The following SHANK2 variants were observed in gnomAD, a reference collection of about 807,000 sequenced individuals.
SHANK2 encodes the protein SH3 and multiple ankyrin repeat domains 2, also known as SH3 and multiple ankyrin repeat domains protein 2.
A neutral mutation model predicts 133.7 loss-of-function variants in SHANK2; 43 were observed. That is an observed-to-expected ratio of 0.32 (90% CI 0.25 to 0.41). The LOEUF (loss-of-function observed/expected upper bound fraction) is 0.41. Ranked by LOEUF, SHANK2 falls within the 10% of genes least tolerant of loss-of-function variation. The probability of loss-of-function intolerance (pLI) is 1.00; values close to 1 mark genes in which losing one functional copy is unlikely to be tolerated. For missense variants in SHANK2, 1,994 were observed against 2,235.8 expected (o/e 0.89, Z 2.18); for synonymous variants, 1,017 against 952.8 (o/e 1.07, Z -1.24).
At chr11:70,599,605 C>CAAAAAAAAAAAAAAAA (rs1160187418) in intron 17 of SHANK2, among the ~76,000 whole-genome samples, 12 of 30,298 alleles carry the variant, frequency 4.0e-4, no homozygotes, top group East Asian at 1.1e-3. Flanking sequence ...GACTCCGTCT[C>CAAAAAAAAAAAAAAAA]AAAAAAAAAA....
chr11:71,200,514 G>A (rs1022645624), intron 2 of SHANK2, among the ~76,000 whole-genome samples: 9 of 151,912 alleles, frequency 5.9e-5, no homozygotes, highest in African/African-American at 9.7e-5. Flanking sequence ...CTAACTCCAC[G>A]TTTAACTTCA....
chr11:70,936,472 A>G lies in SHANK2; in HGVS notation c.1108-39905T>C, dbSNP rs1036604346. On this transcript the variant is annotated intron_variant, in intron 10 of 25. Coordinates refer to ENST00000601538, the MANE Select transcript of SHANK2 (RefSeq NM_012309.5). ...GGTTGCAGTGAGCCGAGATCACCCC[A>G]CTGTACTCCAGCCTGGGTGACAGAG... Among the ~76,000 whole-genome samples, 6 of 152,188 alleles carry G rather than the reference A, an allele frequency of 3.9e-5. No individual in the cohort carries two copies. The East Asian group carries it at 1.2e-3, about 29-fold the overall frequency.
At chr11:71,090,023 G>A (rs989792774) in intron 8 of SHANK2, among the ~76,000 whole-genome samples, 1 of 152,218 alleles carries the variant, frequency 6.6e-6, no homozygotes, top group Admixed American at 6.5e-5. Context: ...CGAGTGCTGT[G>A]CAAGAATTCA....
intron 17 of SHANK2, among the ~76,000 whole-genome samples, chr11:70,557,127 T>C (rs1554979812): frequency 1.3e-5 from 2 of 151,102 alleles, no homozygotes; most frequent in Non-Finnish European, 2.9e-5. Context: ...GCTCACCACA[T>C]ACCAGGCATT....
At chr11:71,073,121 C>CTTTTTTTTTTTTTTT (rs1217646232) in intron 9 of SHANK2, among the ~76,000 whole-genome samples, 1 of 111,880 alleles carries the variant, frequency 8.9e-6, no homozygotes, top group African/African-American at 3.1e-5. Flanking sequence ...GGAAGGCTTG[C>CTTTTTTTTTTTTTTT]TTTTTGTTTT....
At chr11:70,704,672 G>C (rs1315519565) in intron 14 of SHANK2, among the ~76,000 whole-genome samples, 3 of 152,230 alleles carry the variant, frequency 2.0e-5, no homozygotes, top group African/African-American at 7.2e-5. Flanking sequence ...AGCACAGGGA[G>C]GGAGTGAGTC....
chr11:70,560,610 G>A (rs191931574), intron 17 of SHANK2, among the ~76,000 whole-genome samples: 119 of 148,494 alleles, frequency 8.0e-4, no homozygotes, highest in African/African-American at 2.8e-3. Flanking sequence ...GGACTAACTT[G>A]ACCTGATTCC....
In SHANK2 at chr11:71,081,132, G is replaced by A. The variant is rs955478656; in HGVS notation, c.913-5857C>T. Among the ~76,000 whole-genome samples the A allele has an allele frequency of 8.5e-5, 13 of 152,276 alleles. No homozygotes were observed. The East Asian group carries it at 2.3e-3, about 27-fold the overall frequency. ...TGGTATCCTTATAAGAAGAGGAGCTGGGGACACAGACACACAGAGGGACGA... is the reference window on the plus strand; with the variant it reads ...TGGTATCCTTATAAGAAGAGGAGCTAGGGACACAGACACACAGAGGGACGA... On this transcript the variant is annotated intron_variant, in intron 8 of 25. Coordinates refer to ENST00000601538, the MANE Select transcript of SHANK2 (RefSeq NM_012309.5).
At chr11:70,636,834 GTATT>G (rs1190656328) in intron 17 of SHANK2, among the ~76,000 whole-genome samples, 4 of 152,090 alleles carry the variant, frequency 2.6e-5, no homozygotes, top group South Asian at 2.1e-4. Context: ...GAGAACTTGT[GTATT>G]TATAAGAATG....
intron 12 of SHANK2, among the ~76,000 whole-genome samples, chr11:70,809,259 G>A (rs1948230506): frequency 6.6e-6 from 1 of 152,172 alleles, no homozygotes; most frequent in African/African-American, 2.4e-5. Flanking sequence ...TCTGACCATG[G>A]TTCCCCTCCC....
chr11:71,150,779 G>T (rs1183708689), intron 2 of SHANK2, among the ~76,000 whole-genome samples: 11 of 151,986 alleles, frequency 7.2e-5, no homozygotes, highest in Non-Finnish European at 1.6e-4. Flanking sequence ...GCGTGGAGTG[G>T]GTGGGGGCAG....
intron 11 of SHANK2, among the ~76,000 whole-genome samples, chr11:70,837,595 C>A (rs1555060372): frequency 2.0e-5 from 3 of 152,116 alleles, no homozygotes; most frequent in East Asian, 3.9e-4. Context: ...TGGTCTTTCT[C>A]CCCCAAGTAA....
At chr11:70,934,105 G>A (rs1426980258) in intron 10 of SHANK2, among the ~76,000 whole-genome samples, 1 of 151,848 alleles carries the variant, frequency 6.6e-6, no homozygotes, top group Non-Finnish European at 1.5e-5. Flanking sequence ...GGTGGCACAT[G>A]CCTGTAGTCC....
intron 10 of SHANK2, among the ~76,000 whole-genome samples, chr11:70,942,347 C>T (rs1950659980): frequency 6.6e-6 from 1 of 152,112 alleles, no homozygotes; most frequent in African/African-American, 2.4e-5. Flanking sequence ...AAGGAGGAAC[C>T]ACACCTGAGG....
intron 6 of SHANK2, 140 bp downstream of exon 6, chr11:71,109,801 G>C (rs1412485527): frequency 1.5e-6 from 1 of 671,442 alleles, no homozygotes; most frequent in South Asian, 1.6e-5. Context: ...AGACAGAGGA[G>C]AGTGAGAATG....
intron 11 of SHANK2, among the ~76,000 whole-genome samples, chr11:70,838,893 G>A (rs2135423092): frequency 1.3e-5 from 2 of 152,268 alleles, no homozygotes; most frequent in Middle Eastern, 6.8e-3. Flanking sequence ...TTTATGTCAG[G>A]GGAAATCTAA....
intron 17 of SHANK2, among the ~76,000 whole-genome samples, chr11:70,608,503 T>C (rs1047705400): frequency 1.3e-5 from 2 of 152,156 alleles, no homozygotes; most frequent in African/African-American, 4.8e-5. Flanking sequence ...CACCCAGCCT[T>C]TCCCTGAGCC....
Position 70,485,216 on chromosome 11 carries a change from C to T in SHANK2, c.4979+98G>A. Reference sequence around the variant, plus strand: ...GCCCACACAGGCTTTACGAATTCCCCTCTTCGTGTCCGCTGGGGCTGCTAC... The same window carrying T: ...GCCCACACAGGCTTTACGAATTCCCTTCTTCGTGTCCGCTGGGGCTGCTAC... On this transcript the variant is annotated intron_variant, in intron 25 of 25. Transcript: ENST00000601538. The surrounding 1 kb of genome is among the most constrained non-coding windows in gnomAD (Gnocchi z 5.8). 9.7e-7 allele frequency: 1 copy of T among 1,031,972 alleles called. No homozygotes were observed. The highest frequency in any genetic ancestry group is 1.3e-5 in the South Asian group (1 of 77,656). 63.9% of individuals were successfully genotyped at this position (1,031,972 alleles called of 1,614,324 possible). A position where few individuals can be genotyped will look rare whatever the true frequency, so the allele number is the denominator to read the frequency against.
intron 10 of SHANK2, among the ~76,000 whole-genome samples, chr11:70,934,744 T>C (rs2135816039): frequency 6.6e-6 from 1 of 152,354 alleles, no homozygotes; most frequent in South Asian, 2.1e-4. Flanking sequence ...GGGAACCCCT[T>C]AGGCTGACAT....
Sources: gnomAD v4.1 joint callset for allele counts (sites outside exome capture counted in the v4.1 genomes callset) on GRCh38, gnomAD v4.1.1 for gene constraint, Gnocchi (gnomAD v3.1) non-coding constraint, MANE v1.5 for transcripts, NCBI Gene and HGNC (gene_info 2026-07-23, HGNC 2026-07-21) for gene names.